CHL1: variants seen among roughly 807,000 people sequenced by gnomAD.
The protein encoded by CHL1 is neural cell adhesion molecule L1-like protein.
Under a neutral mutation model 141.9 loss-of-function variants are expected in CHL1, and 96 were observed. That is an observed-to-expected ratio of 0.68 (90% CI 0.57 to 0.80). CHL1 has a LOEUF of 0.80. CHL1 is among the 30% of genes least tolerant of loss of function. The pLI, the probability that CHL1 is intolerant of heterozygous loss-of-function variation, is 0.00. For synonymous variants in CHL1, 613 were observed against 502.2 expected, an observed-to-expected ratio of 1.22 and a Z score of -2.95; for missense variants, 1,820 against 1,457.2, an observed-to-expected ratio of 1.25 and a Z score of -4.05.
intron 5 of CHL1, among the ~76,000 whole-genome samples, chr3:337,689 C>T (rs1702013901): frequency 6.6e-6 from 1 of 152,198 alleles, no homozygotes; most frequent in Non-Finnish European, 1.5e-5. Context: ...CTACAAAGGA[C>T]ATGAACTCAT....
At chr3:367,514 T>C (rs73013185) in intron 15 of CHL1, among the ~76,000 whole-genome samples, 3,419 of 152,324 alleles carry the variant, frequency 0.022, 60 homozygotes, top group South Asian at 0.031. Flanking sequence ...GGTACTTTCA[T>C]TATAGGGTTA....
chr3:398,471 A>G, intron 25 of CHL1, 86 bp downstream of exon 25: 1 of 690,346 alleles, frequency 1.4e-6, no homozygotes, highest in Non-Finnish European at 2.3e-6. Context: ...TATATTAAAC[A>G]TAAAAACACT....
In CHL1 at chr3:225,809, G is replaced by A. The variant is rs377761078; in HGVS notation, c.-174-18804G>A. Among the ~76,000 whole-genome samples, 854 of 152,072 alleles carry A rather than the reference G, an allele frequency of 5.6e-3. 6 individuals are homozygous for A. Among genetic ancestry groups the A allele is most frequent in the Middle Eastern group, 0.01 (3 of 294 alleles). On this transcript the variant is annotated intron_variant, in intron 1 of 27. Coordinates refer to ENST00000256509, the MANE Select transcript of CHL1 (RefSeq NM_006614.4). The stretch of plus-strand genomic sequence containing the variant: ...CAGATCACGAGGTCAGGAGATTGAG[G>A]CCATCCTGGCTAACTCTGTGAAAAC...
intron 2 of CHL1, among the ~76,000 whole-genome samples, chr3:291,742 CAG>C (rs1697714863): frequency 6.6e-6 from 1 of 152,034 alleles, no homozygotes; most frequent in Non-Finnish European, 1.5e-5. Context: ...CTGGTAGACT[CAG>C]AAGTGTTTGG....
intron 2 of CHL1, among the ~76,000 whole-genome samples, chr3:275,500 ATATCT>A (rs1696010363): frequency 6.6e-6 from 1 of 152,192 alleles, no homozygotes; most frequent in Non-Finnish European, 1.5e-5. Context: ...GAACAAAGCC[ATATCT>A]TATGAATTGT....
At chr3:358,683 C>A (rs1340031611) in intron 11 of CHL1, among the ~76,000 whole-genome samples, 1 of 151,936 alleles carries the variant, frequency 6.6e-6, no homozygotes, top group Non-Finnish European at 1.5e-5. Context: ...TCAGGTCCTG[C>A]CCTTAGAGAG....
rs78691491 is a variant in CHL1, at chr3:403,736, T to G, written c.3459-1759T>G. On this transcript the variant is annotated intron_variant, in intron 27 of 27. Transcript: ENST00000256509. The stretch of plus-strand genomic sequence containing the variant: ...CATTATTTCCTATGACATCCCTTTA[T>G]AGTAGCTGATGTGTTTTCCAACCTC... Among the ~76,000 whole-genome samples the G allele has an allele frequency of 1.2e-3, 180 of 152,288 alleles. 4 individuals carry two copies. The East Asian group carries it at 0.032, about 27-fold the overall frequency.
At chr3:215,868 A>T (rs1423340133) in intron 1 of CHL1, among the ~76,000 whole-genome samples, 4 of 152,082 alleles carry the variant, frequency 2.6e-5, no homozygotes, top group African/African-American at 9.7e-5. Flanking sequence ...AGTGAAATTT[A>T]TTTCTGAGTT....
chr3:391,126 A>C lies in CHL1; in HGVS notation c.2758A>C (p.Ser920Arg), dbSNP rs1315851308. Reference sequence around the variant, plus strand: ...TAACTCTAAAGGAGCTGGTCCTGAAAGTGAGCCTTATATATTTCAAACACC... The same window carrying C: ...TAACTCTAAAGGAGCTGGTCCTGAACGTGAGCCTTATATATTTCAAACACC... Reference protein sequence around the residue: ...AYNSKGAGPESEPYIFQTPEG... With the variant: ...AYNSKGAGPEREPYIFQTPEG... Residue 920 changes from serine (S) to arginine (R), a missense_variant, in exon 22 of 28, where the codon AGT (serine) becomes CGT (arginine). By Grantham distance (110) the Ser-to-Arg change is moderately radical. Coordinates refer to ENST00000256509, the MANE Select transcript of CHL1 (RefSeq NM_006614.4). 1 of 1,613,692 alleles carries C rather than the reference A, an allele frequency of 6.2e-7. No homozygotes were observed. The highest frequency in any genetic ancestry group is 8.5e-7 in the Non-Finnish European group (1 of 1,179,654).
chr3:400,900 C>CATT (rs377701575), intron 26 of CHL1, among the ~76,000 whole-genome samples: 1 of 112,460 alleles, frequency 8.9e-6, no homozygotes, highest in Non-Finnish European at 1.7e-5. Context: ...AAATGACTGC[C>CATT]TTTTTTTTTT....
At chr3:341,883 C>G in intron 6 of CHL1, 29 bp from the exon 7 acceptor site, 1 of 1,529,824 alleles carries the variant, frequency 6.5e-7, no homozygotes, top group Non-Finnish European at 8.9e-7. Context: ...GACAATTGCC[C>G]TTTTCAATGG....
chr3:200,184 A>G (rs547587353), intron 1 of CHL1, among the ~76,000 whole-genome samples: 2 of 152,212 alleles, frequency 1.3e-5, no homozygotes, highest in Non-Finnish European at 2.9e-5. Context: ...CCAACAGTGC[A>G]ATAGAGTCTA....
chr3:262,830 A>C (rs569152165), intron 2 of CHL1, among the ~76,000 whole-genome samples: 2 of 152,354 alleles, frequency 1.3e-5, no homozygotes, highest in South Asian at 2.1e-4. Flanking sequence ...ATGGGAGTTC[A>C]TTCAAGCCTT....
chr3:371,452 T>C (rs1237324035), intron 15 of CHL1, among the ~76,000 whole-genome samples: 1 of 152,212 alleles, frequency 6.6e-6, no homozygotes, highest in Non-Finnish European at 1.5e-5. Flanking sequence ...GCTTTCCATT[T>C]GCTTGGTAAA....
At chr3:292,472 C>T (rs1462053173) in intron 2 of CHL1, among the ~76,000 whole-genome samples, 1 of 152,156 alleles carries the variant, frequency 6.6e-6, no homozygotes, top group Admixed American at 6.5e-5. Context: ...ACAGTGTCTA[C>T]AAGACCACTG....
At chr3:281,379 G>T (rs1473796018) in intron 2 of CHL1, among the ~76,000 whole-genome samples, 1 of 152,020 alleles carries the variant, frequency 6.6e-6, no homozygotes, top group African/African-American at 2.4e-5. Flanking sequence ...CTATCCTCTG[G>T]TTCCTTATTT....
intron 3 of CHL1, among the ~76,000 whole-genome samples, chr3:323,010 G>A (rs1700720749): frequency 6.6e-6 from 1 of 151,902 alleles, no homozygotes; most frequent in South Asian, 2.1e-4. Flanking sequence ...AGTGAACTGG[G>A]AAGTAGATAT....
At chr3:326,892 C>T (rs1348222275) in intron 4 of CHL1, among the ~76,000 whole-genome samples, 1 of 151,696 alleles carries the variant, frequency 6.6e-6, no homozygotes, top group Non-Finnish European at 1.5e-5. Context: ...ATTTAATAAT[C>T]ATTAGTGACC....
In CHL1 at chr3:360,424, G is replaced by A; in HGVS notation, c.1306G>A (p.Asp436Asn). The A allele has an allele frequency of 6.2e-7, 1 of 1,613,140 alleles. No individual in the cohort carries two copies. The highest frequency in any genetic ancestry group is 2.2e-5 in the East Asian group (1 of 44,846). ...ILANANIDVVDVRPLIQTKDG... is the reference protein window; with the variant it reads ...ILANANIDVVNVRPLIQTKDG... ...TGCCAATGCCAATATTGATGTTGTG[G>A]GTGAGTGTGCCTGGGAGCTGACTTA... Residue 436 changes from aspartate to asparagine, a missense_variant and splice_region_variant, in exon 12 of 28, where the codon GAT becomes AAT. Transcript: ENST00000256509.
Sources: gnomAD v4.1 joint callset for allele counts (sites outside exome capture counted in the v4.1 genomes callset) on GRCh38, gnomAD v4.1.1 for gene constraint, MANE v1.5 for transcripts, NCBI Gene and HGNC (gene_info 2026-07-23, HGNC 2026-07-21) for gene names.